Variants in IQCK observed in about 807,000 individuals in gnomAD.
The protein encoded by IQCK is IQ domain-containing protein K.
Under a neutral mutation model 28.1 loss-of-function variants are expected in IQCK, and 29 were observed. That is an observed-to-expected ratio of 1.03 (90% confidence interval 0.77 to 1.41). IQCK has a LOEUF of 1.41. Ranked by LOEUF, IQCK falls within the 40% of genes most tolerant of loss-of-function variation. The probability of loss-of-function intolerance (pLI) is 0.00; values close to 1 mark genes in which losing one functional copy is unlikely to be tolerated. For synonymous variants in IQCK, 113 were observed against 115.1 expected (o/e 0.98, Z 0.12); for missense variants, 359 against 314.7 (o/e 1.14, Z -1.07).
chr16:19,740,855 CT>C (rs1178419714), intron 4 of IQCK, among the ~76,000 whole-genome samples: 1 of 151,498 alleles, frequency 6.6e-6, no homozygotes, highest in Non-Finnish European at 1.5e-5. Context: ...TGAGTCCCAG[CT>C]ACTCGGGAGG....
intron 9 of IQCK, among the ~76,000 whole-genome samples, chr16:19,848,370 C>G (rs1477982687): frequency 6.6e-6 from 1 of 152,164 alleles, no homozygotes; most frequent in Non-Finnish European, 1.5e-5. Flanking sequence ...GAATGAGCAC[C>G]CATGCTCTGA....
At chr16:19,773,559 T>G (rs1305537949) in intron 6 of IQCK, among the ~76,000 whole-genome samples, 2 of 152,224 alleles carry the variant, frequency 1.3e-5, no homozygotes, top group African/African-American at 4.8e-5. Flanking sequence ...TAGTTAAGTC[T>G]TTTAGGCTTT....
rs539035243 is a variant in IQCK, at chr16:19,773,531, A to G, written c.605+9419A>G. ...ATGGCTTTCTATGTCAAGGGTCAGC[A>G]AACTTTTCTATAGAGGATAGTTAAG... On this transcript the variant is annotated intron_variant, in intron 6 of 7. Transcript: ENST00000564186. Among the ~76,000 whole-genome samples the G allele has an allele frequency of 1.2e-4, 19 of 152,312 alleles. No homozygotes were observed. In the East Asian group the frequency reaches 3.7e-3, roughly 29 times the overall value.
chr16:19,755,328 T>A (rs755352094), intron 4 of IQCK, among the ~76,000 whole-genome samples: 3 of 152,204 alleles, frequency 2.0e-5, no homozygotes, highest in African/African-American at 7.2e-5. Flanking sequence ...CAGCCACTCT[T>A]AGATGGCAAA....
chr16:19,847,553 C>G (rs2056427830), intron 9 of IQCK, among the ~76,000 whole-genome samples: 1 of 152,206 alleles, frequency 6.6e-6, no homozygotes, highest in African/African-American at 2.4e-5. Context: ...TGCTTCTTCT[C>G]TGCCTAACTG....
At chr16:19,769,368 T>C (rs2055286767) in intron 6 of IQCK, among the ~76,000 whole-genome samples, 1 of 152,200 alleles carries the variant, frequency 6.6e-6, no homozygotes, top group Non-Finnish European at 1.5e-5. Flanking sequence ...CAGTTCCTTA[T>C]TGGTAAATGT....
At chr16:19,815,874 T>C (rs1240066448) in intron 7 of IQCK, among the ~76,000 whole-genome samples, 2 of 152,212 alleles carry the variant, frequency 1.3e-5, no homozygotes, top group Non-Finnish European at 2.9e-5. Flanking sequence ...TTTGCAAACA[T>C]ATACTTCCTT....
intron 4 of IQCK, among the ~76,000 whole-genome samples, chr16:19,739,429 A>G (rs1258407569): frequency 2.0e-5 from 3 of 152,200 alleles, no homozygotes; most frequent in East Asian, 1.9e-4. Context: ...AATAAAGTCA[A>G]TGATTCAGGT....
intron 1 of IQCK, 74 bp downstream of exon 1, chr16:19,718,561 C>A: frequency 7.4e-7 from 1 of 1,343,986 alleles, no homozygotes; most frequent in Non-Finnish European, 9.7e-7. Flanking sequence ...GGAGCGCCCA[C>A]TGTGCGCCTG....
intron 4 of IQCK, among the ~76,000 whole-genome samples, chr16:19,755,070 G>A (rs559038031): frequency 1.3e-5 from 2 of 152,070 alleles, no homozygotes; most frequent in South Asian, 4.1e-4. Context: ...TAAATATTTT[G>A]GCATCTGGTT....
intron 1 of IQCK, among the ~76,000 whole-genome samples, chr16:19,721,634 G>A (rs1182805060): frequency 2.0e-5 from 3 of 148,852 alleles, no homozygotes; most frequent in Non-Finnish European, 4.4e-5. Context: ...CACCCAGGCT[G>A]CAGTGCAGTG....
chr16:19,736,382 C>A (rs1346152997), intron 4 of IQCK, among the ~76,000 whole-genome samples: 1 of 152,052 alleles, frequency 6.6e-6, no homozygotes. Flanking sequence ...CCCACCTCAG[C>A]TTCCTGAGCA....
At chr16:19,843,748 T>C (rs763108169) in intron 9 of IQCK, among the ~76,000 whole-genome samples, 4 of 152,304 alleles carry the variant, frequency 2.6e-5, no homozygotes, top group Middle Eastern at 6.8e-3. Context: ...GGTCATCACA[T>C]GGGAGAGGGA....
intron 4 of IQCK, among the ~76,000 whole-genome samples, chr16:19,749,251 A>G (rs2054953507): frequency 1.3e-5 from 2 of 152,244 alleles, no homozygotes; most frequent in Non-Finnish European, 2.9e-5. Context: ...GGATGTTTCC[A>G]TGATACCATA....
In IQCK at chr16:19,774,209, G is replaced by A. The variant is rs184092691; in HGVS notation, c.605+10097G>A. Among the ~76,000 whole-genome samples the A allele has an allele frequency of 4.6e-5, 7 of 152,202 alleles. No individual in the cohort carries two copies. The East Asian group carries it at 5.8e-4, about 13-fold the overall frequency. The stretch of plus-strand genomic sequence containing the variant: ...AAACCCAGCTCCACCACTTCCAGCT[G>A]TGTGACTTTGGGCAAAGATGACTTA... On this transcript the variant is annotated intron_variant, in intron 6 of 7. Transcript: ENST00000564186.
chr16:19,826,564 GA>G (rs1273473528), intron 7 of IQCK, among the ~76,000 whole-genome samples: 26 of 152,284 alleles, frequency 1.7e-4, no homozygotes, highest in East Asian at 9.7e-4. Flanking sequence ...TTTTAGTAGA[GA>G]GGGGGTTTCA....
At chr16:19,718,480 C>A in exon 1 of IQCK, 3 of 1,604,810 alleles carry the variant, frequency 1.9e-6, no homozygotes, top group Non-Finnish European at 2.5e-6. Flanking sequence ...GGGAGCAGAT[C>A]TGCAAGGGTA....
At chr16:19,858,000 C>T (rs2056583739) in exon 10 of IQCK, 1 of 152,756 alleles carries the variant, frequency 6.5e-6, no homozygotes, top group South Asian at 2.1e-4. Context: ...TTTGTGCTTA[C>T]AATGAGAGAT....
chr16:19,744,564 A>G lies in IQCK; in HGVS notation c.474+9114A>G, dbSNP rs117501254. 2.3e-3 allele frequency among the ~76,000 whole-genome samples: 344 copies of G among 152,370 alleles called. 6 individuals carry two copies. The East Asian group carries it at 0.045, about 20-fold the overall frequency. On this transcript the variant is annotated intron_variant, in intron 4 of 7. Coordinates refer to ENST00000564186, the Ensembl canonical transcript of IQCK. ...AATAAACCTTAAGCACATGATTTCC[A>G]TGAATTATCTCAGCCTGAGAGTTAG...
Sources: allele counts gnomAD v4.1 joint callset (sites outside exome capture counted in the v4.1 genomes callset), GRCh38; gene constraint gnomAD v4.1.1; transcripts MANE v1.5; gene names NCBI Gene and HGNC (gene_info 2026-07-23, HGNC 2026-07-21).